The following NHSL1 variants were observed in gnomAD, a reference collection of about 807,000 sequenced individuals.
The protein encoded by NHSL1 is NHS like 1.
Under a neutral mutation model 95.0 loss-of-function variants are expected in NHSL1, and 48 were observed. The ratio of observed to expected loss-of-function variants is 0.51; its 90% CI spans 0.40 to 0.64. The LOEUF (loss-of-function observed/expected upper bound fraction) is 0.64. Ranked by LOEUF, NHSL1 falls within the 30% of genes least tolerant of loss-of-function variation. NHSL1 has a pLI of 0.00. For missense variants in NHSL1, 1,971 were observed against 2,077.7 expected, an observed-to-expected ratio of 0.95 and a Z score of 1.00; for synonymous variants, 783 against 833.9, an observed-to-expected ratio of 0.94 and a Z score of 1.05.
chr6:138,536,945 C>A (rs1207567131), intron 1 of NHSL1, among the ~76,000 whole-genome samples: 1 of 152,140 alleles, frequency 6.6e-6, no homozygotes, highest in Non-Finnish European at 1.5e-5. Context: ...AGAAGAAATA[C>A]AACGAGAAGA....
At position 138,423,871 on chromosome 6, in the gene NHSL1, G is replaced by A. The variant is rs1324274860; in HGVS notation, c.*210C>T. 1 of 377,772 alleles carries A rather than the reference G, an allele frequency of 2.6e-6. No individual in the cohort carries two copies. The highest frequency in any genetic ancestry group is 2.2e-5 in the African/African-American group (1 of 45,524). 23.4% of individuals were successfully genotyped at this position (377,772 alleles called of 1,614,324 possible). On this transcript the variant is annotated 3_prime_UTR_variant, in exon 8 of 8. Coordinates refer to ENST00000343505, the MANE Select transcript of NHSL1 (RefSeq NM_001144060.2). ...CCGGGAAGCACTTTCAGAAGTTTAA[G>A]CTTCTACTTGTTCTTAAGCCACAGG...
intron 1 of NHSL1, among the ~76,000 whole-genome samples, chr6:138,541,212 C>T (rs539471936): frequency 6.6e-6 from 1 of 152,074 alleles, no homozygotes; most frequent in Admixed American, 6.5e-5. Context: ...AATAAAAATA[C>T]AAAAATTAGC....
chr6:138,607,673 A>G (rs762916015), intron 1 of NHSL1, among the ~76,000 whole-genome samples: 1 of 152,220 alleles, frequency 6.6e-6, no homozygotes, highest in Non-Finnish European at 1.5e-5. Context: ...TGCCTCATAC[A>G]TGCAAGGACC....
At position 138,423,970 on chromosome 6, in the gene NHSL1, G is replaced by C. The variant is rs1775071682; in HGVS notation, c.*111C>G. ...TGGCAACCCCGGGGCCCACAGCACA[G>C]AAGCAGAGTGGGCTCCCCGGGTGAG... is the stretch of plus-strand genomic sequence containing the variant. On this transcript the variant is annotated 3_prime_UTR_variant, in exon 8 of 8. Transcript: ENST00000343505. 8.6e-7 allele frequency: 1 copy of C among 1,161,050 alleles called. No homozygotes were observed. Among genetic ancestry groups the C allele is most frequent in the African/African-American group, 1.6e-5 (1 of 63,156 alleles). 71.9% of individuals were successfully genotyped at this position (1,161,050 alleles called of 1,614,324 possible). A position where few individuals can be genotyped will look rare whatever the true frequency, so the allele number is the denominator to read the frequency against.
intron 1 of NHSL1, among the ~76,000 whole-genome samples, chr6:138,517,850 T>C (rs1301586309): frequency 6.6e-6 from 1 of 152,180 alleles, no homozygotes; most frequent in African/African-American, 2.4e-5. Flanking sequence ...GGCTTGCCAG[T>C]AGATCCAGAC....
intron 1 of NHSL1, among the ~76,000 whole-genome samples, chr6:138,579,515 G>A (rs544946120): frequency 1.3e-5 from 2 of 152,232 alleles, no homozygotes; most frequent in South Asian, 2.1e-4. Context: ...GAAGAAAGAA[G>A]CTTATTAACT....
chr6:138,639,333 A>AT (rs112591439), intron 1 of NHSL1, among the ~76,000 whole-genome samples: 2,549 of 149,048 alleles, frequency 0.017, 59 homozygotes, highest in African/African-American at 0.048. Context: ...TTATTCATTG[A>AT]TTTTTTTTTT....
chr6:138,640,955 AAAT>A (rs768580630), intron 1 of NHSL1, among the ~76,000 whole-genome samples: 1 of 152,230 alleles, frequency 6.6e-6, no homozygotes, highest in Non-Finnish European at 1.5e-5. Context: ...TCTAACTGAA[AAAT>A]AATGTTTCCA....
At chr6:138,503,402 T>C (rs1780790560), upstream of NHSL1, among the ~76,000 whole-genome samples, 1 of 152,222 alleles carries the variant, frequency 6.6e-6, no homozygotes, top group African/African-American at 2.4e-5. Flanking sequence ...CAGCAAATTA[T>C]GACCCTCTGG....
chr6:138,622,607 T>G (rs1161246781), intron 1 of NHSL1, among the ~76,000 whole-genome samples: 2 of 152,200 alleles, frequency 1.3e-5, no homozygotes, highest in African/African-American at 2.4e-5. Flanking sequence ...GATAAAAATC[T>G]GCCATAAGCC....
Position 138,651,185 on chromosome 6 carries a change from T to C in NHSL1, c.96+41291A>G, listed in dbSNP as rs1000196804. Among the ~76,000 whole-genome samples, 4 of 152,372 alleles carry C rather than the reference T, an allele frequency of 2.6e-5. No homozygotes were observed. The East Asian group carries it at 7.7e-4, about 29-fold the overall frequency. On this transcript the variant is annotated intron_variant, in intron 1 of 3. Coordinates refer to the NHSL1 transcript ENST00000491526. ...TACAACTGACCTTTATTGGTATTTC[T>C]TCAGTTTAACCTAAATGTTGACAAG...
chr6:138,428,689 A>C (rs1775424587), intron 7 of NHSL1, among the ~76,000 whole-genome samples: 1 of 152,228 alleles, frequency 6.6e-6, no homozygotes, highest in African/African-American at 2.4e-5. Flanking sequence ...CTTATGCAAT[A>C]GTCTTTTCAG....
rs1219658477 is a variant in NHSL1 at position 138,499,448 on chromosome 6, T to C, written c.-158A>G. On this transcript the variant is annotated 5_prime_UTR_variant, in exon 1 of 8. Coordinates refer to ENST00000343505, the MANE Select transcript of NHSL1 (RefSeq NM_001144060.2). ...CTGCCCAGGCTGATGTAACTGAGGTTGAGTTTATTGTCAGGCAGTTACAAA... is the reference window on the plus strand; with the variant it reads ...CTGCCCAGGCTGATGTAACTGAGGTCGAGTTTATTGTCAGGCAGTTACAAA... The C allele has an allele frequency of 2.8e-6, 4 of 1,405,894 alleles. No individual in the cohort carries two copies. In the South Asian group the frequency reaches 4.7e-5, roughly 16 times the overall value. The allele number at this position is 1,405,894 out of a possible 1,614,324, so 87.1% of individuals were successfully genotyped here. A position where few individuals can be genotyped will look rare whatever the true frequency, so the allele number is the denominator to read the frequency against.
intron 1 of NHSL1, among the ~76,000 whole-genome samples, chr6:138,585,279 G>A (rs1328000112): frequency 6.6e-6 from 1 of 152,090 alleles, no homozygotes; most frequent in Non-Finnish European, 1.5e-5. Flanking sequence ...TTTCCCATCA[G>A]GGAGATATTT....
At chr6:138,605,534 A>G (rs979548641) in intron 1 of NHSL1, among the ~76,000 whole-genome samples, 1 of 152,266 alleles carries the variant, frequency 6.6e-6, no homozygotes, top group African/African-American at 2.4e-5. Flanking sequence ...AGCTCAAAGC[A>G]TAAAAAGACA....
At chr6:138,570,567 T>A (rs1046171854) in intron 1 of NHSL1, among the ~76,000 whole-genome samples, 5 of 152,230 alleles carry the variant, frequency 3.3e-5, no homozygotes, top group African/African-American at 1.2e-4. Context: ...TCAAAGATTA[T>A]TAGCTAGTCC....
upstream of NHSL1, among the ~76,000 whole-genome samples, chr6:138,502,243 T>G (rs1329655233): frequency 6.6e-6 from 1 of 152,226 alleles, no homozygotes; most frequent in African/African-American, 2.4e-5. Context: ...AAAGCACTTA[T>G]TAATTAGAAA....
chr6:138,447,639 G>T (rs936347327), intron 3 of NHSL1, among the ~76,000 whole-genome samples: 8 of 152,142 alleles, frequency 5.3e-5, no homozygotes, highest in African/African-American at 1.9e-4. Context: ...CAGGCGTGGT[G>T]GTGGGCACCT....
At chr6:138,488,609 T>C (rs1562320344) in intron 2 of NHSL1, among the ~76,000 whole-genome samples, 1 of 152,240 alleles carries the variant, frequency 6.6e-6, no homozygotes, top group Non-Finnish European at 1.5e-5. Context: ...CTTATTTGAA[T>C]TTTAATGAAA....
Sources: gnomAD v4.1 joint callset for allele counts (sites outside exome capture counted in the v4.1 genomes callset) on GRCh38, gnomAD v4.1.1 for gene constraint, MANE v1.5 for transcripts, NCBI Gene and HGNC (gene_info 2026-07-23, HGNC 2026-07-21) for gene names.